Variants in RASEF observed in about 807,000 individuals in gnomAD.
The protein encoded by RASEF is ras and EF-hand domain-containing protein.
In RASEF, 68 loss-of-function variants were observed where a neutral mutation model predicts 90.1. The observed-to-expected ratio is 0.75, with a 90% CI of 0.62 to 0.92. The LOEUF is 0.92. Among genes scored for constraint, RASEF ranks in the 40% least tolerant of loss-of-function variants. RASEF has a pLI of 0.00. For synonymous variants in RASEF, 331 were observed against 345.2 expected (o/e 0.96, Z 0.46); for missense variants, 949 against 937.2 (o/e 1.01, Z -0.16).
chr9:83,078,922 A>G, the RASEF span, among the ~76,000 whole-genome samples: 1 of 152,040 alleles, frequency 6.6e-6, no homozygotes, highest in Non-Finnish European at 1.5e-5. Context: ...TGTAAATTTG[A>G]TAAGTTCCTT....
At chr9:83,116,616 T>A in the RASEF span, among the ~76,000 whole-genome samples, 1 of 152,204 alleles carries the variant, frequency 6.6e-6, no homozygotes, top group African/African-American at 2.4e-5. Flanking sequence ...AGGTTTTATA[T>A]ACATTCTCTC....
intron 14 of RASEF, 104 bp from the exon 15 acceptor site, chr9:82,993,129 T>G: frequency 8.5e-7 from 1 of 1,171,390 alleles, no homozygotes; most frequent in East Asian, 2.5e-5. Flanking sequence ...TTTGCCTCCT[T>G]TGTGCCAAAT....
the RASEF span, among the ~76,000 whole-genome samples, chr9:83,161,566 A>G: frequency 6.6e-6 from 1 of 151,986 alleles, no homozygotes; most frequent in Non-Finnish European, 1.5e-5. Context: ...CTTGTCTCCA[A>G]TGAGACGTTG....
At chr9:83,036,228 G>A (rs1829739439) in intron 1 of RASEF, among the ~76,000 whole-genome samples, 1 of 152,214 alleles carries the variant, frequency 6.6e-6, no homozygotes, top group African/African-American at 2.4e-5. Flanking sequence ...TTGGACAAGA[G>A]AAGCTGCAGA....
At position 83,001,138 on chromosome 9, in the gene RASEF, T is replaced by A; in HGVS notation, c.1203-8A>T. 1 of 1,604,434 alleles carries A rather than the reference T, an allele frequency of 6.2e-7. No homozygotes were observed. ...TAGGAAGAGCGGGATGACCTGGTAA[T>A]AAAGGGGAAGACCAATTTACCTGAG... On this transcript the variant is annotated splice_polypyrimidine_tract_variant and splice_region_variant and intron_variant, in intron 9 of 16. Coordinates refer to ENST00000376447, the MANE Select transcript of RASEF (RefSeq NM_152573.4).
At chr9:83,088,372 GGATAGATAGATAGATA>G in the RASEF span, among the ~76,000 whole-genome samples, 15 of 147,478 alleles carry the variant, frequency 1.0e-4, no homozygotes, top group Non-Finnish European at 1.8e-4. Flanking sequence ...ATAGATAGAT[GGATAGATAGATAGATA>G]GATAGATAGA....
the RASEF span, among the ~76,000 whole-genome samples, chr9:83,214,613 C>T: frequency 6.6e-6 from 1 of 152,040 alleles, no homozygotes; most frequent in African/African-American, 2.4e-5. Context: ...GGGAGGGACC[C>T]TGTGGGAGGT....
intron 1 of RASEF, among the ~76,000 whole-genome samples, chr9:83,057,984 G>A (rs553862454): frequency 6.6e-6 from 1 of 150,446 alleles, no homozygotes; most frequent in East Asian, 2.0e-4. Context: ...CTCATCTCAA[G>A]GTGACTCAGG....
the RASEF span, among the ~76,000 whole-genome samples, chr9:83,155,840 G>A: frequency 6.6e-6 from 1 of 152,144 alleles, no homozygotes; most frequent in Non-Finnish European, 1.5e-5. Context: ...GAGCCAAAGT[G>A]GTGCTTAGAT....
intron 1 of RASEF, among the ~76,000 whole-genome samples, chr9:83,037,521 A>G (rs552675437): frequency 1.2e-4 from 18 of 152,214 alleles, no homozygotes; most frequent in Non-Finnish European, 2.1e-4. Flanking sequence ...TCTGTGAAGT[A>G]GAAACACACT....
the RASEF span, among the ~76,000 whole-genome samples, chr9:83,157,486 T>C: frequency 1.3e-5 from 2 of 152,316 alleles, no homozygotes; most frequent in Admixed American, 1.3e-4. Context: ...CCCTTTGTCA[T>C]GTTATAACAC....
the RASEF span, among the ~76,000 whole-genome samples, chr9:83,151,014 T>C: frequency 6.6e-6 from 1 of 152,160 alleles, no homozygotes; most frequent in African/African-American, 2.4e-5. Context: ...AAAAGGTAAG[T>C]ATTAAAAATG....
chr9:83,008,933 T>TATGA (rs1554706846), intron 6 of RASEF, among the ~76,000 whole-genome samples: 2 of 132,576 alleles, frequency 1.5e-5, no homozygotes, highest in Non-Finnish European at 3.2e-5. Flanking sequence ...TATATATATA[T>TATGA]ATGACGTGGG....
chr9:83,209,318 T>C, the RASEF span, among the ~76,000 whole-genome samples: 7 of 152,248 alleles, frequency 4.6e-5, no homozygotes, highest in African/African-American at 1.7e-4. Flanking sequence ...AGTTACACAC[T>C]TGGCTCGTGA....
In RASEF at chr9:83,042,851, A is replaced by C. The variant is rs546372840; in HGVS notation, c.432-16930T>G. Among the ~76,000 whole-genome samples, 3 of 152,306 alleles carry C rather than the reference A, an allele frequency of 2.0e-5. No homozygotes were observed. In the East Asian group the frequency reaches 5.8e-4, roughly 29 times the overall value. ...TGTATCTGATAATTTGTTTTCCAAAACTTCAACAGACAAAAGACCCAGGAA... is the reference window on the plus strand; with the variant it reads ...TGTATCTGATAATTTGTTTTCCAAACCTTCAACAGACAAAAGACCCAGGAA... On this transcript the variant is annotated intron_variant, in intron 1 of 16. Transcript: ENST00000376447.
At chr9:83,082,950 G>GT in the RASEF span, among the ~76,000 whole-genome samples, 1 of 152,188 alleles carries the variant, frequency 6.6e-6, no homozygotes, top group African/African-American at 2.4e-5. Flanking sequence ...CCAGTGATCT[G>GT]TAAGTATAGA....
chr9:82,999,769 A>C (rs989283333), intron 12 of RASEF, among the ~76,000 whole-genome samples: 2 of 151,584 alleles, frequency 1.3e-5, no homozygotes, highest in Admixed American at 6.6e-5. Flanking sequence ...ATGCCCAACT[A>C]ATTTTTGTAT....
chr9:83,151,624 T>A, the RASEF span, among the ~76,000 whole-genome samples: 1 of 152,226 alleles, frequency 6.6e-6, no homozygotes, highest in South Asian at 2.1e-4. Context: ...AGTAGTTAAG[T>A]CACTTTCCCA....
chr9:83,085,925 C>T, the RASEF span, among the ~76,000 whole-genome samples: 1 of 150,450 alleles, frequency 6.6e-6, no homozygotes, highest in African/African-American at 2.4e-5. Flanking sequence ...ACTCCATCTC[C>T]AAAAAAAATA....
Sources: allele counts gnomAD v4.1 joint callset (sites outside exome capture counted in the v4.1 genomes callset), GRCh38; gene constraint gnomAD v4.1.1; transcripts MANE v1.5; gene names NCBI Gene and HGNC (gene_info 2026-07-23, HGNC 2026-07-21).